Variants in NHSL2 observed in about 807,000 individuals in gnomAD.
The protein encoded by NHSL2 is NHS like 2, also known as NHS-like protein 2.
A neutral mutation model predicts 53.4 loss-of-function variants in NHSL2; 27 were observed. That is an observed-to-expected ratio of 0.51 (90% confidence interval 0.37 to 0.70). NHSL2 has a LOEUF of 0.70. Ranked by LOEUF, NHSL2 falls within the 30% of genes least tolerant of loss-of-function variation. NHSL2 has a pLI of 0.00. For missense variants in NHSL2, 892 were observed against 980.1 expected (o/e 0.91, Z 1.20); for synonymous variants, 408 against 404.1 (o/e 1.01, Z -0.12).
intron 1 of NHSL2, among the ~76,000 whole-genome samples, chrX:72,062,337 T>C (rs2042403740): frequency 8.9e-6 from 1 of 112,617 alleles, no homozygotes; most frequent in African/African-American, 3.2e-5. Context: ...TGTTTGTTTA[T>C]GTTTTAAATT....
intron 1 of NHSL2, among the ~76,000 whole-genome samples, chrX:72,009,760 G>T (rs2042108583): frequency 8.9e-6 from 1 of 112,576 alleles, no homozygotes; most frequent in Admixed American, 9.4e-5. Flanking sequence ...GCTCCATGAG[G>T]GCAGGGACTT....
intron 1 of NHSL2, among the ~76,000 whole-genome samples, chrX:72,026,411 G>A (rs139059091): frequency 0.02 from 2,300 of 112,433 alleles, 32 homozygotes; most frequent in South Asian, 0.031. Context: ...AACAAGGAAG[G>A]AAGAAGAAAC....
In NHSL2 at chrX:72,147,360, C is replaced by T. The variant is rs968814458; in HGVS notation, c.*3786C>T. 8.9e-6 allele frequency: 1 copy of T among 112,140 alleles called. No homozygotes were observed. Among genetic ancestry groups the T allele is most frequent in the African/African-American group, 3.2e-5 (1 of 30,838 alleles). The allele number at this position is 112,140 out of a possible 1,213,427, so 9.2% of individuals were successfully genotyped here. ...CAGGGCCATGCAAGTGCCTTACCCT[C>T]GTCCCAGCCCTGTGATTTGCACTCT... is the stretch of plus-strand genomic sequence containing the variant. On this transcript the variant is annotated 3_prime_UTR_variant, in exon 8 of 8. Coordinates refer to ENST00000633930, the MANE Select transcript of NHSL2 (RefSeq NM_001013627.3).
At chrX:72,081,934 G>A (rs1473564038) in intron 1 of NHSL2, among the ~76,000 whole-genome samples, 2 of 111,873 alleles carry the variant, frequency 1.8e-5, no homozygotes, top group Non-Finnish European at 3.8e-5. Flanking sequence ...TCTACCAGCA[G>A]AGCCGCGACC....
intron 4 of NHSL2, 80 bp from the exon 5 acceptor site, chrX:72,137,014 A>C: frequency 7.6e-6 from 6 of 788,169 alleles, no homozygotes; most frequent in Non-Finnish European, 9.1e-6. Context: ...GACTGCCATC[A>C]TTCTCTTCTC....
chrX:71,939,340 T>G (rs1157910551), intron 1 of NHSL2, among the ~76,000 whole-genome samples: 1 of 112,202 alleles, frequency 8.9e-6, no homozygotes, highest in Non-Finnish European at 1.9e-5. Context: ...CAGATCACAC[T>G]TGCTTTTCAG....
At chrX:71,980,740 C>T (rs1441899887) in intron 1 of NHSL2, among the ~76,000 whole-genome samples, 1 of 111,222 alleles carries the variant, frequency 9.0e-6, no homozygotes, top group African/African-American at 3.3e-5. Context: ...CCTAGCTCTG[C>T]TTCTTGTCAG....
At chrX:72,056,102 C>G (rs1193965782) in intron 1 of NHSL2, among the ~76,000 whole-genome samples, 1 of 111,926 alleles carries the variant, frequency 8.9e-6, no homozygotes, top group African/African-American at 3.3e-5. Context: ...CACCATTAAC[C>G]CTTTTTTTAA....
At chrX:72,056,969 G>A (rs1378423539) in intron 1 of NHSL2, among the ~76,000 whole-genome samples, 1 of 112,407 alleles carries the variant, frequency 8.9e-6, no homozygotes, top group Non-Finnish European at 1.9e-5. Flanking sequence ...GTCCTTCAGT[G>A]CCCTTCCCTA....
At chrX:72,114,137 G>A (rs1328222938) in intron 1 of NHSL2, among the ~76,000 whole-genome samples, 2 of 112,561 alleles carry the variant, frequency 1.8e-5, no homozygotes, top group East Asian at 2.8e-4. Context: ...GGTATCAGCC[G>A]TGGTTGCCTC....
At chrX:72,114,921 C>T (rs191375773) in intron 1 of NHSL2, among the ~76,000 whole-genome samples, 1 of 112,245 alleles carries the variant, frequency 8.9e-6, no homozygotes, top group East Asian at 2.8e-4. Context: ...CTTCATCTTC[C>T]ACTCCGAGCT....
rs777716330 is a variant in NHSL2, at chrX:71,969,089, G to A, written c.280+57722G>A. On this transcript the variant is annotated intron_variant, in intron 1 of 7. Coordinates refer to ENST00000633930, the MANE Select transcript of NHSL2 (RefSeq NM_001013627.3). Reference sequence around the variant, plus strand: ...GATAGCTGGGATTTTCACAGGGATTGTGTTGAATCTGTAGATAAATTTGGG... The same window carrying A: ...GATAGCTGGGATTTTCACAGGGATTATGTTGAATCTGTAGATAAATTTGGG... 1.9e-4 allele frequency among the ~76,000 whole-genome samples: 21 copies of A among 111,529 alleles called. No homozygotes were observed. The South Asian group carries it at 7.9e-3, about 42-fold the overall frequency.
At chrX:71,991,024 A>G (rs1202329397) in intron 1 of NHSL2, among the ~76,000 whole-genome samples, 1 of 112,434 alleles carries the variant, frequency 8.9e-6, no homozygotes, top group Non-Finnish European at 1.9e-5. Flanking sequence ...TGGTTAAGCC[A>G]TCACAAGACT....
At chrX:72,048,942 T>G (rs1363792819) in intron 1 of NHSL2, among the ~76,000 whole-genome samples, 2 of 102,782 alleles carry the variant, frequency 1.9e-5, no homozygotes, top group African/African-American at 7.7e-5. Flanking sequence ...TGAGTTATGC[T>G]TGCCCCTGTC....
Position 72,009,164 on chromosome X carries a change from A to T in NHSL2, c.280+97797A>T, listed in dbSNP as rs1168329804. On this transcript the variant is annotated intron_variant, in intron 1 of 7. Transcript: ENST00000633930. ...AATGCTTTTCCCCAGTATATCAGGA[A>T]GGATCCCTGGAGGGAGTGCTCACAG... is the stretch of plus-strand genomic sequence containing the variant. Among the ~76,000 whole-genome samples the T allele has an allele frequency of 9.8e-5, 11 of 112,519 alleles. No individual in the cohort carries two copies. The Admixed American group carries it at 1.0e-3, about 11-fold the overall frequency.
intron 1 of NHSL2, among the ~76,000 whole-genome samples, chrX:71,996,141 G>A (rs1485109156): frequency 1.8e-5 from 2 of 113,025 alleles, no homozygotes; most frequent in African/African-American, 6.4e-5. Context: ...TGTCTCTAAG[G>A]ACAAGCATTA....
intron 1 of NHSL2, among the ~76,000 whole-genome samples, chrX:72,074,786 G>C (rs2041727545): frequency 8.9e-6 from 1 of 112,536 alleles, no homozygotes; most frequent in African/African-American, 3.2e-5. Flanking sequence ...ACACAAAACT[G>C]TTTCTATGCT....
At chrX:72,105,838 A>G (rs1204252814) in intron 1 of NHSL2, among the ~76,000 whole-genome samples, 1 of 112,527 alleles carries the variant, frequency 8.9e-6, no homozygotes, top group African/African-American at 3.2e-5. Flanking sequence ...TACGCCAAAA[A>G]ATCAAACCAA....
chrX:72,072,185 G>A (rs1017726755), intron 1 of NHSL2, among the ~76,000 whole-genome samples: 1 of 112,628 alleles, frequency 8.9e-6, no homozygotes, highest in African/African-American at 3.2e-5. Flanking sequence ...TTCAAGTTCT[G>A]TATATATTTT....
Sources: gnomAD v4.1 joint callset for allele counts (sites outside exome capture counted in the v4.1 genomes callset) on GRCh38, gnomAD v4.1.1 for gene constraint, MANE v1.5 for transcripts, NCBI Gene and HGNC (gene_info 2026-07-23, HGNC 2026-07-21) for gene names.